Variants in BRWD3 observed in about 807,000 individuals in gnomAD.
BRWD3 encodes the protein bromodomain and WD repeat domain containing 3, also known as bromodomain and WD repeat-containing protein 3.
BRWD3 carries 10 observed loss-of-function variants against 149.7 expected under a neutral mutation model. The observed-to-expected ratio is 0.07, with a 90% CI of 0.04 to 0.11. BRWD3 has a LOEUF of 0.11. Among genes scored for constraint, BRWD3 ranks in the 10% least tolerant of loss-of-function variants. The pLI, the probability that BRWD3 is intolerant of heterozygous loss-of-function variation, is 1.00. For missense variants in BRWD3, 940 were observed against 1,373.2 expected (o/e 0.68, Z 4.99); for synonymous variants, 504 against 456.7 (o/e 1.10, Z -1.32).
At position 80,809,726 on chromosome X, in the gene BRWD3, AGAGAGAGAGAAG is replaced by A; in HGVS notation, c.-267_-256del. ...GAGAGAGAGAGTGAGTGAGTGAGAG[AGAGAGAGAGAAG>A]AGAGAGAGAGAGAGAGGAAAAAGAG... On this transcript the variant is annotated 5_prime_UTR_variant, in exon 1 of 41. Coordinates refer to ENST00000373275, the MANE Select transcript of BRWD3 (RefSeq NM_153252.5). 1 of 245,615 alleles carries A rather than the reference AGAGAGAGAGAAG, an allele frequency of 4.1e-6. No individual in the cohort carries two copies. Among genetic ancestry groups the A allele is most frequent in the Non-Finnish European group, 7.1e-6 (1 of 139,925 alleles). 20.2% of individuals were successfully genotyped at this position (245,615 alleles called of 1,213,427 possible).
intron 18 of BRWD3, 147 bp downstream of exon 18, chrX:80,719,342 A>T: frequency 2.0e-6 from 1 of 494,092 alleles, no homozygotes; most frequent in Non-Finnish European, 3.2e-6. Flanking sequence ...TGAGATTATG[A>T]GACTTCAATA....
At chrX:80,744,285 T>C (rs755125616) in intron 7 of BRWD3, 32 bp from the exon 8 acceptor site, 1 of 1,027,975 alleles carries the variant, frequency 9.7e-7, no homozygotes, top group East Asian at 3.3e-5. Flanking sequence ...AGGTTTATAA[T>C]GAAGCAGAAA....
At chrX:80,746,116 A>C (rs1347082133) in intron 6 of BRWD3, among the ~76,000 whole-genome samples, 1 of 111,202 alleles carries the variant, frequency 9.0e-6, no homozygotes, top group Non-Finnish European at 1.9e-5. Flanking sequence ...CTAAAAAATT[A>C]TACAGGAATT....
chrX:80,764,328 C>G (rs769939943), intron 6 of BRWD3, among the ~76,000 whole-genome samples: 1 of 111,378 alleles, frequency 9.0e-6, no homozygotes, highest in Non-Finnish European at 1.9e-5. Flanking sequence ...TTTTTAGAGA[C>G]GGAGTCTCGC....
chrX:80,753,934 G>GT (rs1477967044), intron 6 of BRWD3, among the ~76,000 whole-genome samples: 1 of 111,791 alleles, frequency 8.9e-6, no homozygotes, highest in Non-Finnish European at 1.9e-5. Context: ...ACCTTGCAAT[G>GT]TAATTTACAT....
At chrX:80,795,858 G>A (rs1230087938) in intron 4 of BRWD3, among the ~76,000 whole-genome samples, 3 of 110,835 alleles carry the variant, frequency 2.7e-5, no homozygotes, top group Non-Finnish European at 3.8e-5. Flanking sequence ...TTGAGCCCAC[G>A]AGGTCAAGGC....
At chrX:80,713,132 C>T (rs1169440451) in intron 20 of BRWD3, among the ~76,000 whole-genome samples, 8 of 109,201 alleles carry the variant, frequency 7.3e-5, no homozygotes, top group African/African-American at 2.0e-4. Context: ...TCTGCCCGGC[C>T]GCCCCTACTG....
intron 19 of BRWD3, 70 bp downstream of exon 19, chrX:80,717,503 A>C: frequency 2.9e-5 from 28 of 954,504 alleles, no homozygotes; most frequent in Non-Finnish European, 3.3e-5. Context: ...AGGCTAACAT[A>C]GTACATTTCA....
At chrX:80,746,569 T>C (rs2073597040) in intron 6 of BRWD3, among the ~76,000 whole-genome samples, 1 of 111,762 alleles carries the variant, frequency 8.9e-6, no homozygotes, top group Non-Finnish European at 1.9e-5. Flanking sequence ...AAATCCTTCA[T>C]CTTCCCTTAT....
intron 28 of BRWD3, 70 bp downstream of exon 28, chrX:80,692,870 T>C (rs1258952688): frequency 8.5e-6 from 7 of 826,452 alleles, no homozygotes; most frequent in Non-Finnish European, 7.3e-6. Flanking sequence ...TTACTCCTGA[T>C]GGAGGCTATT....
rs2072334553 is a variant in BRWD3, at chrX:80,672,922, T to C, written c.*3687A>G. On this transcript the variant is annotated 3_prime_UTR_variant, in exon 41 of 41. Transcript: ENST00000373275. Reference sequence around the variant, plus strand: ...TACCAGTTGGTAAATGTACATAAAATGATTTCCAACATACATCAGCTGTAA... The same window carrying C: ...TACCAGTTGGTAAATGTACATAAAACGATTTCCAACATACATCAGCTGTAA... 1 of 112,202 alleles carries C rather than the reference T, an allele frequency of 8.9e-6. No individual in the cohort carries two copies. Among genetic ancestry groups the C allele is most frequent in the African/African-American group, 3.2e-5 (1 of 30,900 alleles). 9.2% of individuals were successfully genotyped at this position (112,202 alleles called of 1,213,427 possible).
At position 80,674,557 on chromosome X, in the gene BRWD3, A is replaced by T. The variant is rs981773350; in HGVS notation, c.*2052T>A. 4 of 111,822 alleles carry T rather than the reference A, an allele frequency of 3.6e-5. No individual in the cohort carries two copies. The highest frequency in any genetic ancestry group is 1.3e-4 in the African/African-American group (4 of 30,798). The allele number at this position is 111,822 out of a possible 1,213,427, so 9.2% of individuals were successfully genotyped here. A position where few individuals can be genotyped will look rare whatever the true frequency, so the allele number is the denominator to read the frequency against. On this transcript the variant is annotated 3_prime_UTR_variant, in exon 41 of 41. Coordinates refer to ENST00000373275, the MANE Select transcript of BRWD3 (RefSeq NM_153252.5). ...AGGCACAATTTAGTCTAAATGCCCAAGAGATAAATAACCGAAACAGCACAT... is the reference window on the plus strand; with the variant it reads ...AGGCACAATTTAGTCTAAATGCCCATGAGATAAATAACCGAAACAGCACAT...
intron 6 of BRWD3, among the ~76,000 whole-genome samples, chrX:80,749,368 G>T (rs955710495): frequency 9.0e-6 from 1 of 110,905 alleles, no homozygotes; most frequent in African/African-American, 3.3e-5. Flanking sequence ...GTATATTTAG[G>T]TGCTCCAATG....
At chrX:80,715,505 G>C (rs561145960) in intron 20 of BRWD3, among the ~76,000 whole-genome samples, 4 of 112,012 alleles carry the variant, frequency 3.6e-5, no homozygotes, top group Admixed American at 2.8e-4. Context: ...GTGTACCTGA[G>C]AGTATTCTGC....
At chrX:80,758,134 G>A (rs1473185470) in intron 6 of BRWD3, among the ~76,000 whole-genome samples, 1 of 111,299 alleles carries the variant, frequency 9.0e-6, no homozygotes, top group Non-Finnish European at 1.9e-5. Flanking sequence ...GGGAGGCGGA[G>A]GTTGTGGTGA....
chrX:80,706,819 C>T (rs754221591), intron 22 of BRWD3, among the ~76,000 whole-genome samples: 1 of 112,888 alleles, frequency 8.9e-6, no homozygotes, highest in African/African-American at 3.2e-5. Context: ...TGCTTGAGCC[C>T]AGGAGTTCAA....
intron 8 of BRWD3, among the ~76,000 whole-genome samples, chrX:80,737,384 GATA>G (rs1262168784): frequency 2.7e-5 from 3 of 111,807 alleles, no homozygotes; most frequent in Non-Finnish European, 5.6e-5. Flanking sequence ...TTACTTAAGG[GATA>G]ATGACAAGAA....
At position 80,735,191 on chromosome X, in the gene BRWD3, G is replaced by A. The variant is rs1457513889; in HGVS notation, c.921C>T (p.Arg307=). 5 of 1,205,049 alleles carry A rather than the reference G, an allele frequency of 4.1e-6. No homozygotes were observed. Among genetic ancestry groups the A allele is most frequent in the Non-Finnish European group, 5.6e-6 (5 of 889,992 alleles). The change falls in exon 10 of 41, where the codon CGC becomes CGT. Residue 307 remains arginine (R), a synonymous_variant. Coordinates refer to ENST00000373275, the MANE Select transcript of BRWD3 (RefSeq NM_153252.5). ...TGGATCTCTCAGTAAATTTCACCGG[G>A]CGATCTCTAAAGATAAAAATAAGGT... is the stretch of plus-strand genomic sequence containing the variant. The part of the protein sequence containing the change: ...WHVKTMKFRD[R]PVKFTERSRP...
intron 6 of BRWD3, among the ~76,000 whole-genome samples, chrX:80,788,257 C>T (rs1602437223): frequency 9.1e-6 from 1 of 110,319 alleles, no homozygotes; most frequent in Admixed American, 9.7e-5. Context: ...CAAAGCTAGA[C>T]CCCATCTCAA....
Sources: allele counts gnomAD v4.1 joint callset (sites outside exome capture counted in the v4.1 genomes callset), GRCh38; gene constraint gnomAD v4.1.1; transcripts MANE v1.5; gene names NCBI Gene and HGNC (gene_info 2026-07-23, HGNC 2026-07-21).